The following TTN variants were observed in gnomAD, a reference collection of about 807,000 sequenced individuals.
TTN encodes titin.
In TTN, 1,525 loss-of-function variants were observed where a neutral mutation model predicts 3,223.0. The observed-to-expected ratio is 0.47, with a 90% CI of 0.45 to 0.49. The LOEUF (loss-of-function observed/expected upper bound fraction) is 0.49. Among genes scored for constraint, TTN ranks in the 20% least tolerant of loss-of-function variants. TTN has a pLI of 0.00. For missense variants in TTN, 40,786 were observed against 43,424.0 expected (o/e 0.94, Z 5.40); for synonymous variants, 14,094 against 15,161.0 (o/e 0.93, Z 5.17).
chr2:178,768,578 C>T, intron 38 of TTN, 95 bp downstream of exon 38: 3 of 1,565,020 alleles, frequency 1.9e-6, no homozygotes, highest in South Asian at 2.3e-5. Flanking sequence ...TATGGCTATC[C>T]CACATTTTAT....
In TTN at chr2:178,632,389, G is replaced by C; in HGVS notation, c.43505C>G (p.Pro14502Arg). 1 of 1,594,952 alleles carries C rather than the reference G, an allele frequency of 6.3e-7. No homozygotes were observed. The highest frequency in any genetic ancestry group is 8.5e-7 in the Non-Finnish European group (1 of 1,171,726). Reference protein sequence around the residue: ...IEGIRLKFLTPLKDVTAKEKE... With the variant: ...IEGIRLKFLTRLKDVTAKEKE... ...CTCTTTGGCAGTTACATCTTTGAGA[G>C]GGGTGAGGAATTTGAGCCGGATTCC... The change falls in exon 236 of 363, where the codon CCT (proline) becomes CGT (arginine). Residue 14502 changes from proline (P) to arginine (R), a missense_variant. By Grantham distance (103) the Pro-to-Arg change is moderately radical (BLOSUM62 -2). Transcript: ENST00000589042.
rs727503642 is a variant in TTN at position 178,710,672 on chromosome 2, C to A, written c.28425G>T (p.Val9475=). 4 of 1,612,812 alleles carry A rather than the reference C, an allele frequency of 2.5e-6. No individual in the cohort carries two copies. The highest frequency in any genetic ancestry group is 3.4e-6 in the Non-Finnish European group (4 of 1,179,700). Residue 9475 remains valine (V), a synonymous_variant, in exon 98 of 363, where the codon GTG becomes GTT. Transcript: ENST00000589042. ...GCTGAGCTGTGCAAGAGTCTTTTCCCACTTCATTCACAGCATAGCAGGTAT... is the reference window on the plus strand; with the variant it reads ...GCTGAGCTGTGCAAGAGTCTTTTCCAACTTCATTCACAGCATAGCAGGTAT... ...GQYTCYAVNE[V]GKDSCTAQLN...
chr2:178,742,951 C>G (rs566512003), intron 47 of TTN: 2 of 152,036 alleles, frequency 1.3e-5, no homozygotes, highest in Non-Finnish European at 2.9e-5. Flanking sequence ...TCATCTATAG[C>G]ATGCAGAATA....
Position 178,696,189 on chromosome 2 carries a change from C to A in TTN, c.30883G>T (p.Glu10295Ter). ...TITRKKEVQK[E>*]KEAVYEKKQA... ...TTTTTCTCATACACAGCTTCTTTTT[C>A]TTTCTGAACCTCTTTCTTTCTGGTT... Residue 10295 changes from glutamate (E) to a stop codon, truncating the protein, a stop_gained, in exon 114 of 363, where the codon GAA (glutamate) becomes TAA (stop). Coordinates refer to ENST00000589042, the MANE Select transcript of TTN (RefSeq NM_001267550.2). LOFTEE classifies it high-confidence loss of function. 6.4e-7 allele frequency: 1 copy of A among 1,560,636 alleles called. No homozygotes were observed. Among genetic ancestry groups the A allele is most frequent in the Non-Finnish European group, 8.7e-7 (1 of 1,151,016 alleles).
chr2:178,768,147 T>A lies in TTN; in HGVS notation c.9172A>T (p.Ile3058Leu). The change falls in exon 39 of 363, where the codon ATA (isoleucine) becomes TTA (leucine). Residue 3058 changes from isoleucine (I) to leucine (L), a missense_variant. Ile to Leu is a conservative substitution (Grantham distance 5). Transcript: ENST00000589042. ...TATLYVEARH[I>L]EFRKHIKDIK... is the part of the protein sequence containing the mutation. Reference sequence around the variant, plus strand: ...TCCTTAATGTGTTTCCTAAATTCTATATGACGAGCTGGAAAATAGCATGTA... The same window carrying A: ...TCCTTAATGTGTTTCCTAAATTCTAAATGACGAGCTGGAAAATAGCATGTA... 1.2e-6 allele frequency: 2 copies of A among 1,614,074 alleles called. No individual in the cohort carries two copies. The highest frequency in any genetic ancestry group is 1.7e-6 in the Non-Finnish European group (2 of 1,179,990).
rs534339525 is a variant in TTN at position 178,677,285 on chromosome 2, G to A, written c.34294C>T (p.Pro11432Ser). ...KPKVPVPAPV[P>S]EVPKKPVPEK... Reference sequence around the variant, plus strand: ...GGTACAGGTTTCTTTGGCACTTCAGGCACTTAAAAACATTTCATTTGAAGG... The same window carrying A: ...GGTACAGGTTTCTTTGGCACTTCAGACACTTAAAAACATTTCATTTGAAGG... The change falls in exon 147 of 363, where the codon CCT becomes TCT. Residue 11432 changes from proline (P) to serine (S), a missense_variant and splice_region_variant. Physicochemically the swap from Pro to Ser is moderately conservative, Grantham distance 74 (BLOSUM62 -1). Coordinates refer to ENST00000589042, the MANE Select transcript of TTN (RefSeq NM_001267550.2). The A allele has an allele frequency of 1.0e-4, 122 of 1,168,778 alleles. 1 individual carries two copies. The Middle Eastern group carries it at 1.7e-3, about 16-fold the overall frequency. The allele number at this position is 1,168,778 out of a possible 1,614,324, so 72.4% of individuals were successfully genotyped here. A position where few individuals can be genotyped will look rare whatever the true frequency, so the allele number is the denominator to read the frequency against.
chr2:178,592,018 A>G lies in TTN; in HGVS notation c.59886T>C (p.Phe19962=), dbSNP rs781096660. Residue 19962 remains phenylalanine (F), a synonymous_variant, in exon 302 of 363, where the codon TTT becomes TTC. Coordinates refer to ENST00000589042, the MANE Select transcript of TTN (RefSeq NM_001267550.2). ...AAENQYGRGP[F]VETPKPIKAL... Reference sequence around the variant, plus strand: ...CCTTGATTGGTTTTGGTGTTTCAACAAAAGGACCACGTCCATACTGGTTCT... The same window carrying G: ...CCTTGATTGGTTTTGGTGTTTCAACGAAAGGACCACGTCCATACTGGTTCT... 3 of 1,612,938 alleles carry G rather than the reference A, an allele frequency of 1.9e-6. No homozygotes were observed. The highest frequency in any genetic ancestry group is 1.3e-5 in the African/African-American group (1 of 74,916).
Position 178,734,871 on chromosome 2 carries a change from T to C in TTN, c.15053A>G (p.Asn5018Ser). The C allele has an allele frequency of 1.9e-6, 3 of 1,613,692 alleles. No individual in the cohort carries two copies. In the African/African-American group the frequency reaches 4.0e-5, roughly 22 times the overall value. ...GTTACTTTCACTGAGTTCTTTGTTA[T>C]TTTTAAACCAAGTAACCTGGATCAC... ...SPVIQVTWFK[N>S]NKELSESNTV... The change falls in exon 51 of 363, where the codon AAT becomes AGT. Residue 5018 changes from asparagine to serine, a missense_variant. Coordinates refer to ENST00000589042, the MANE Select transcript of TTN (RefSeq NM_001267550.2).
chr2:178,772,371 G>A (rs1179821607), intron 33 of TTN, among the ~76,000 whole-genome samples: 3 of 151,798 alleles, frequency 2.0e-5, no homozygotes, highest in Admixed American at 1.3e-4. Context: ...TGGACAACAC[G>A]ATCTGAATGT....
At chr2:178,624,130 T>C (rs1367877498) in intron 242 of TTN, among the ~76,000 whole-genome samples, 1 of 151,918 alleles carries the variant, frequency 6.6e-6, no homozygotes, top group Non-Finnish European at 1.5e-5. Flanking sequence ...CTACTTATCT[T>C]TAAAATTCAG....
Position 178,783,077 on chromosome 2 carries a change from G to GA in TTN, c.2842-14dup. The GA allele has an allele frequency of 6.2e-7, 1 of 1,613,442 alleles. No homozygotes were observed. The highest frequency in any genetic ancestry group is 8.5e-7 in the Non-Finnish European group (1 of 1,179,518). On this transcript the variant is annotated splice_polypyrimidine_tract_variant and intron_variant, in intron 17 of 362. Transcript: ENST00000589042. Reference sequence around the variant, plus strand: ...CATTTTTTAAGCCCTGAAGAGAGGAGAAAAAATAAATAATGATACGTGTGC... The same window carrying GA: ...CATTTTTTAAGCCCTGAAGAGAGGAGAAAAAAATAAATAATGATACGTGTGC...
In TTN at chr2:178,753,189, G is replaced by T. The variant is rs2086035123; in HGVS notation, c.11255-9C>A. 6.2e-7 allele frequency: 1 copy of T among 1,601,332 alleles called. No homozygotes were observed. Among genetic ancestry groups the T allele is most frequent in the African/African-American group, 1.3e-5 (1 of 74,478 alleles). On this transcript the variant is annotated splice_polypyrimidine_tract_variant and intron_variant, in intron 46 of 362. Transcript: ENST00000589042. ...CAAAATTGATTCAGGAGCTAAAATAGAAAAACATATAAAGAGATTTTAGTG... is the reference window on the plus strand; with the variant it reads ...CAAAATTGATTCAGGAGCTAAAATATAAAAACATATAAAGAGATTTTAGTG...
At chr2:178,716,143 G>C (rs1249011756) in intron 88 of TTN, among the ~76,000 whole-genome samples, 2 of 152,082 alleles carry the variant, frequency 1.3e-5, no homozygotes, top group Non-Finnish European at 2.9e-5. Flanking sequence ...TTACTGTCTT[G>C]TATATGAACC....
chr2:178,660,463 C>T (rs1165345805), intron 180 of TTN, among the ~76,000 whole-genome samples: 1 of 118,542 alleles, frequency 8.4e-6, no homozygotes, highest in Non-Finnish European at 1.8e-5. Context: ...GCTGGGAAAA[C>T]TGGCTAGCCA....
In TTN at chr2:178,672,042, A is replaced by T. The variant is rs754536506; in HGVS notation, c.35156T>A (p.Val11719Asp). ...RVEEEHRVEKVHRVIEVFEAE... is the reference protein window; with the variant it reads ...RVEEEHRVEKDHRVIEVFEAE... ...CTCAAAAACTTCTATTACCCTATGA[A>T]CTTTTTCAACTCTGTGTTCTTCTTC... The change falls in exon 155 of 363, where the codon GTT (valine) becomes GAT (aspartate). Residue 11719 changes from valine (V) to aspartate (D), a missense_variant. Physicochemically the swap from Val to Asp is radical, Grantham distance 152. Coordinates refer to ENST00000589042, the MANE Select transcript of TTN (RefSeq NM_001267550.2). 5.0e-6 allele frequency: 8 copies of T among 1,610,990 alleles called. No homozygotes were observed.
Position 178,770,274 on chromosome 2 carries a change from A to T in TTN, c.8427T>A (p.Asn2809Lys), listed in dbSNP as rs762595856. The T allele has an allele frequency of 6.2e-7, 1 of 1,614,176 alleles. No individual in the cohort carries two copies. Among genetic ancestry groups the T allele is most frequent in the East Asian group, 2.2e-5 (1 of 44,878 alleles). ...KKPKDVTALENATVAFEVSVS... is the reference protein window; with the variant it reads ...KKPKDVTALEKATVAFEVSVS... ...CACTAACTTCAAAGGCAACAGTGGC[A>T]TTTTCCAAGGCTGTCACATCCTTTG... Residue 2809 changes from asparagine (N) to lysine (K), a missense_variant, in exon 36 of 363, where the codon AAT becomes AAA. Transcript: ENST00000589042.
Position 178,587,206 on chromosome 2 carries a change from C to T in TTN, c.64005G>A (p.Glu21335=), listed in dbSNP as rs749889687. ...FHVTNLVPGN[E]YYFRVTAVNE... ...TGACAGCAGTTACTCTGAAGTAATA[C>T]TCATTCCCAGGGACAAGATTGGTTA... Residue 21335 remains glutamate (E), a synonymous_variant, in exon 307 of 363, where the codon GAG becomes GAA. Transcript: ENST00000589042. 2.9e-5 allele frequency: 46 copies of T among 1,613,168 alleles called. 2 individuals carry two copies. The African/African-American group carries it at 2.9e-4, about 10-fold the overall frequency.
At chr2:178,733,179 C>G in intron 54 of TTN, 58 bp from the exon 55 acceptor site, 1 of 1,557,200 alleles carries the variant, frequency 6.4e-7, no homozygotes, top group Non-Finnish European at 8.7e-7. Context: ...CAGTGATTGA[C>G]TTTAGGCCAT....
intron 52 of TTN, among the ~76,000 whole-genome samples, 158 bp downstream of exon 52, chr2:178,734,170 T>G (rs995423016): frequency 6.6e-6 from 1 of 150,796 alleles, no homozygotes; most frequent in Non-Finnish European, 1.5e-5. Context: ...AAAGACCAGG[T>G]GAAAGTTACT....
Sources: gnomAD v4.1 joint callset for allele counts (sites outside exome capture counted in the v4.1 genomes callset) on GRCh38, gnomAD v4.1.1 for gene constraint, MANE v1.5 for transcripts, NCBI Gene and HGNC (gene_info 2026-07-23, HGNC 2026-07-21) for gene names.